The following ZNF831 variants were observed in gnomAD, a reference collection of about 807,000 sequenced individuals.
ZNF831 encodes zinc finger protein 831, also known as chromosome 20 open reading frame 174.
Under a neutral mutation model 95.8 loss-of-function variants are expected in ZNF831, and 59 were observed. The observed-to-expected ratio is 0.62, with a 90% CI of 0.50 to 0.77. The LOEUF (loss-of-function observed/expected upper bound fraction) is 0.77. ZNF831 is among the 30% of genes least tolerant of loss of function. The pLI is 0.00. For missense variants in ZNF831, 2,205 were observed against 2,164.0 expected (o/e 1.02, Z -0.38); for synonymous variants, 961 against 925.5 (o/e 1.04, Z -0.70).
intron 1 of ZNF831, among the ~76,000 whole-genome samples, chr20:59,131,600 C>A (rs148235352): frequency 6.2e-4 from 95 of 152,348 alleles, no homozygotes; most frequent in Middle Eastern, 3.4e-3. Flanking sequence ...ACTCTACAGA[C>A]CCCAGCCCCG....
chr20:59,151,202 G>A (rs181746265), intron 2 of ZNF831, among the ~76,000 whole-genome samples: 1 of 152,248 alleles, frequency 6.6e-6, no homozygotes, highest in African/African-American at 2.4e-5. Flanking sequence ...GCTGGAGGGG[G>A]TGTGTTGATG....
intron 3 of ZNF831, among the ~76,000 whole-genome samples, chr20:59,205,064 G>T (rs544607091): frequency 6.6e-6 from 1 of 152,062 alleles, no homozygotes; most frequent in Non-Finnish European, 1.5e-5. Flanking sequence ...GTTATTTTGC[G>T]TGAGGAGAAA....
intron 2 of ZNF831, among the ~76,000 whole-genome samples, chr20:59,148,634 C>G (rs1326129878): frequency 4.1e-5 from 4 of 97,782 alleles, no homozygotes; most frequent in East Asian, 2.4e-4. Context: ...GAGTCGAGAT[C>G]GCGCCACTGC....
chr20:59,187,386 G>A (rs1307655934), intron 1 of ZNF831, among the ~76,000 whole-genome samples: 1 of 152,028 alleles, frequency 6.6e-6, no homozygotes, highest in East Asian at 1.9e-4. Flanking sequence ...TGATGTGAGG[G>A]GGCAGCAAGA....
chr20:59,241,951 T>A (rs1455345394), intron 4 of ZNF831, among the ~76,000 whole-genome samples: 1 of 152,184 alleles, frequency 6.6e-6, no homozygotes, highest in Non-Finnish European at 1.5e-5. Flanking sequence ...AGAACAATAT[T>A]CCCCCATCGT....
chr20:59,196,425 ATTCAGGAGTGTGCCC>A (rs1984108380), intron 3 of ZNF831, among the ~76,000 whole-genome samples: 1 of 152,198 alleles, frequency 6.6e-6, no homozygotes, highest in South Asian at 2.1e-4. Context: ...CACCGTGAAC[ATTCAGGAGTGTGCCC>A]TTCTAGACTT....
chr20:59,226,354 T>C (rs1478274724), intron 4 of ZNF831, among the ~76,000 whole-genome samples: 2 of 152,150 alleles, frequency 1.3e-5, no homozygotes, highest in Non-Finnish European at 2.9e-5. Context: ...TAGTGGATGC[T>C]GTTGGTGTCC....
At chr20:59,226,639 A>G (rs892743602) in intron 4 of ZNF831, among the ~76,000 whole-genome samples, 1 of 150,898 alleles carries the variant, frequency 6.6e-6, no homozygotes, top group African/African-American at 2.4e-5. Context: ...GCAAATTTCT[A>G]CTGTAGTTTA....
In ZNF831 at chr20:59,172,305, C is replaced by G. The variant is rs150898726; in HGVS notation, c.-37+8098C>G. ...CCCTGTTGCTCCCGTGGCACGCTCACCTTCTCTTTGGCAATGAAGTGATGC... is the reference window on the plus strand; with the variant it reads ...CCCTGTTGCTCCCGTGGCACGCTCAGCTTCTCTTTGGCAATGAAGTGATGC... On this transcript the variant is annotated intron_variant, in intron 1 of 5. Transcript: ENST00000371030. Among the ~76,000 whole-genome samples the G allele has an allele frequency of 1.1e-3, 167 of 152,332 alleles. 1 individual carries two copies. Among genetic ancestry groups the G allele is most frequent in the African/African-American group, 3.7e-3 (155 of 41,590 alleles).
intron 3 of ZNF831, among the ~76,000 whole-genome samples, chr20:59,205,417 C>A (rs573065962): frequency 1.3e-5 from 2 of 152,212 alleles, no homozygotes; most frequent in South Asian, 2.1e-4. Context: ...CCCCTCCCCC[C>A]AGCCGGGGAA....
chr20:59,191,391 G>T lies in ZNF831; in HGVS notation c.372G>T (p.Leu124=), dbSNP rs377419929. The T allele has an allele frequency of 2.5e-6, 4 of 1,609,756 alleles. No homozygotes were observed. Among genetic ancestry groups the T allele is most frequent in the South Asian group, 1.1e-5 (1 of 90,688 alleles). ...ACATCGTGGGCACTCTGCCTGTCCT[G>T]TCGCCGGGCCTGGGCCCCACGCTGG... is the stretch of plus-strand genomic sequence containing the variant. ...TVNIVGTLPV[L]SPGLGPTLGS... Residue 124 remains leucine, a synonymous_variant, in exon 2 of 6, where the codon CTG becomes CTT. Transcript: ENST00000371030.
intron 1 of ZNF831, among the ~76,000 whole-genome samples, chr20:59,130,395 A>G (rs1979313684): frequency 6.6e-6 from 1 of 152,204 alleles, no homozygotes. Context: ...CTAAGTTTCC[A>G]GGGTGCACTG....
intron 1 of ZNF831, among the ~76,000 whole-genome samples, chr20:59,170,319 AT>A (rs949634447): frequency 1.3e-5 from 2 of 152,200 alleles, no homozygotes; most frequent in Admixed American, 6.5e-5. Context: ...TGTGCCACAA[AT>A]TTTGAGATGT....
At chr20:59,138,975 A>G (rs1005303293) in intron 1 of ZNF831, among the ~76,000 whole-genome samples, 1 of 149,368 alleles carries the variant, frequency 6.7e-6, no homozygotes, top group Middle Eastern at 3.5e-3. Flanking sequence ...CTCTCCGTCC[A>G]TTTCCCCAGA....
rs1303698474 is a variant in ZNF831, at chr20:59,207,018, C to T, written c.3989C>T (p.Pro1330Leu). The T allele has an allele frequency of 1.2e-6, 2 of 1,614,222 alleles. No homozygotes were observed. Among genetic ancestry groups the T allele is most frequent in the South Asian group, 1.1e-5 (1 of 91,082 alleles). Residue 1330 changes from proline to leucine, a missense_variant, in exon 4 of 6, where the codon CCA becomes CTA. Transcript: ENST00000371030. ...CCTCCCGCACTTGAGGGACTGAAGCCATGCAGGACCCCTGGGCAGACCTCT... is the reference window on the plus strand; with the variant it reads ...CCTCCCGCACTTGAGGGACTGAAGCTATGCAGGACCCCTGGGCAGACCTCT... ...RHPPALEGLK[P>L]CRTPGQTSSE...
intron 2 of ZNF831, among the ~76,000 whole-genome samples, chr20:59,148,506 C>A (rs1980010575): frequency 7.1e-6 from 1 of 141,274 alleles, no homozygotes; most frequent in Non-Finnish European, 1.5e-5. Flanking sequence ...ACGGTGAAAC[C>A]CCGTCTCTAC....
rs896388359 is a variant in ZNF831, at chr20:59,139,619, C to A, written c.-1424-6612C>A. 2.6e-5 allele frequency among the ~76,000 whole-genome samples: 4 copies of A among 152,234 alleles called. No homozygotes were observed. In the East Asian group the frequency reaches 7.7e-4, roughly 29 times the overall value. On this transcript the variant is annotated intron_variant, in intron 1 of 7. Coordinates refer to the ZNF831 transcript ENST00000637017. ...AAGAATCCGAGATTGGACAATGGAGCCCTCTTTTAACCCCTATGAATGTCA... is the reference window on the plus strand; with the variant it reads ...AAGAATCCGAGATTGGACAATGGAGACCTCTTTTAACCCCTATGAATGTCA...
intron 4 of ZNF831, among the ~76,000 whole-genome samples, chr20:59,215,357 G>A (rs1382408780): frequency 6.6e-6 from 1 of 152,180 alleles, no homozygotes; most frequent in Non-Finnish European, 1.5e-5. Flanking sequence ...TGAGGGAGAT[G>A]TTTTATTGAA....
At position 59,253,968 on chromosome 20, in the gene ZNF831, C is replaced by G. The variant is rs202236672; in HGVS notation, c.4259C>G (p.Ser1420Cys). 3 of 1,600,450 alleles carry G rather than the reference C, an allele frequency of 1.9e-6. No individual in the cohort carries two copies. Among genetic ancestry groups the G allele is most frequent in the South Asian group, 2.2e-5 (2 of 90,798 alleles). The change falls in exon 6 of 6, where the codon TCT (serine) becomes TGT (cysteine). Residue 1420 changes from serine (S) to cysteine (C), a missense_variant. Coordinates refer to ENST00000371030, the MANE Select transcript of ZNF831 (RefSeq NM_178457.3). Reference sequence around the variant, plus strand: ...AGCACTGCTGCCACATCAGGATTATCTCTGCAATCTGACACCTGCCTGGCA... The same window carrying G: ...AGCACTGCTGCCACATCAGGATTATGTCTGCAATCTGACACCTGCCTGGCA... ...THSTAATSGLSLQSDTCLAVV... is the reference protein window; with the variant it reads ...THSTAATSGLCLQSDTCLAVV...
Sources: allele counts gnomAD v4.1 joint callset (sites outside exome capture counted in the v4.1 genomes callset), GRCh38; gene constraint gnomAD v4.1.1; transcripts MANE v1.5; gene names NCBI Gene and HGNC (gene_info 2026-07-23, HGNC 2026-07-21).